The following RANBP2 variants were observed in gnomAD, a reference collection of about 807,000 sequenced individuals.
The protein encoded by RANBP2 is RAN binding protein 2.
Under a neutral mutation model 303.6 loss-of-function variants are expected in RANBP2, and 57 were observed. The observed-to-expected ratio is 0.19, with a 90% CI of 0.15 to 0.23. The LOEUF is 0.23. RANBP2 is among the 10% of genes least tolerant of loss of function. The pLI, the probability that RANBP2 is intolerant of heterozygous loss-of-function variation, is 1.00. For missense variants in RANBP2, 3,138 were observed against 3,780.8 expected (o/e 0.83, Z 4.46); for synonymous variants, 1,167 against 1,301.5 (o/e 0.90, Z 2.23).
At chr2:109,181,265 C>T in the RANBP2 span, among the ~76,000 whole-genome samples, 2 of 152,230 alleles carry the variant, frequency 1.3e-5, no homozygotes, top group Admixed American at 6.5e-5. Flanking sequence ...ACCCCTTGCC[C>T]AGTCTCCACT....
At chr2:109,321,139 G>T in the RANBP2 span, among the ~76,000 whole-genome samples, 15 of 152,230 alleles carry the variant, frequency 9.9e-5, no homozygotes, top group Admixed American at 2.0e-4. Context: ...CACACAAGAC[G>T]CCATGTGCAT....
the RANBP2 span, among the ~76,000 whole-genome samples, chr2:109,310,338 A>G: frequency 2.2e-5 from 1 of 44,496 alleles, no homozygotes; most frequent in Non-Finnish European, 3.7e-5. Flanking sequence ...ACACATTCAA[A>G]GCAGTGTGTA....
the RANBP2 span, among the ~76,000 whole-genome samples, chr2:109,459,183 T>C: frequency 6.6e-6 from 1 of 152,122 alleles, no homozygotes; most frequent in Non-Finnish European, 1.5e-5. Context: ...GTGCAACTTA[T>C]ATTACATGGT....
the RANBP2 span, among the ~76,000 whole-genome samples, chr2:108,889,815 C>G: frequency 6.6e-6 from 1 of 151,984 alleles, no homozygotes; most frequent in Non-Finnish European, 1.5e-5. Flanking sequence ...GTTTTGTTGT[C>G]TTTTCTGGTT....
chr2:108,765,971 A>G lies in RANBP2; in HGVS notation c.5432A>G (p.His1811Arg), dbSNP rs774595760. The G allele has an allele frequency of 1.2e-6, 2 of 1,614,058 alleles. No homozygotes were observed. The highest frequency in any genetic ancestry group is 1.7e-6 in the Non-Finnish European group (2 of 1,179,998). Residue 1811 changes from histidine to arginine, a missense_variant, in exon 20 of 29, where the codon CAT (histidine) becomes CGT (arginine). This residue lies in a region of RANBP2 where 348 missense variants were observed against 360.4 expected (regional missense o/e 0.97). Transcript: ENST00000283195. ...CVACDASKPT[H>R]KPIAEAPSAF... ...GCTTGTGATGCCTCTAAACCAACTC[A>G]TAAACCTATTGCAGAAGCTCCTTCA...
intron 3 of RANBP2, 56 bp from the exon 4 acceptor site, chr2:108,731,266 C>G (rs1695146495): frequency 6.3e-7 from 1 of 1,584,218 alleles, no homozygotes; most frequent in Non-Finnish European, 8.6e-7. Context: ...TATATATACT[C>G]CTACATACAT....
chr2:108,873,366 C>A, the RANBP2 span: 2 of 1,143,190 alleles, frequency 1.7e-6, no homozygotes, highest in Admixed American at 2.9e-5. Flanking sequence ...TTTATAAATG[C>A]CTCACATAGT....
At chr2:108,910,488 T>A in the RANBP2 span, 9 of 1,613,918 alleles carry the variant, frequency 5.6e-6, no homozygotes, top group African/African-American at 1.2e-4. Context: ...GGAGTTGCTG[T>A]CAGCTTCTCA....
chr2:109,181,108 G>A, the RANBP2 span, among the ~76,000 whole-genome samples: 14 of 152,106 alleles, frequency 9.2e-5, no homozygotes, highest in Non-Finnish European at 1.9e-4. Context: ...AGGTGGTGAG[G>A]AGAAGTGATG....
chr2:109,619,866 T>C, the RANBP2 span, among the ~76,000 whole-genome samples: 1 of 152,212 alleles, frequency 6.6e-6, no homozygotes, highest in East Asian at 1.9e-4. Context: ...CAGTATTCCT[T>C]CAATGATCAC....
chr2:109,546,014 G>T, the RANBP2 span: 1 of 1,536,172 alleles, frequency 6.5e-7, no homozygotes, highest in Non-Finnish European at 8.7e-7. Flanking sequence ...GACAAGTGTG[G>T]GCAGGGCTGC....
the RANBP2 span, among the ~76,000 whole-genome samples, chr2:109,095,090 T>C: frequency 6.6e-6 from 1 of 152,240 alleles, no homozygotes; most frequent in Non-Finnish European, 1.5e-5. Context: ...TCCTTGACTT[T>C]TGAAAATTGT....
At chr2:109,279,185 T>G in the RANBP2 span, among the ~76,000 whole-genome samples, 2 of 152,106 alleles carry the variant, frequency 1.3e-5, no homozygotes, top group Admixed American at 1.3e-4. Context: ...CATGCATACG[T>G]TTTGGGAAGA....
chr2:109,295,943 C>G, the RANBP2 span, among the ~76,000 whole-genome samples: 1 of 152,158 alleles, frequency 6.6e-6, no homozygotes, highest in Non-Finnish European at 1.5e-5. Context: ...CGACACTGCT[C>G]CCTCTGTGAC....
chr2:108,984,698 T>C, the RANBP2 span, among the ~76,000 whole-genome samples: 3 of 152,156 alleles, frequency 2.0e-5, no homozygotes, highest in Non-Finnish European at 4.4e-5. Flanking sequence ...TTGTTTTTTT[T>C]TCATGGCGCT....
At chr2:108,752,122 A>G in intron 12 of RANBP2, 128 bp downstream of exon 12, 3 of 1,542,114 alleles carry the variant, frequency 1.9e-6, no homozygotes, top group Non-Finnish European at 2.6e-6. Context: ...TGTGTTTTTT[A>G]TTGCTGCAAA....
At chr2:108,994,868 C>T in the RANBP2 span, among the ~76,000 whole-genome samples, 3 of 132,608 alleles carry the variant, frequency 2.3e-5, no homozygotes, top group South Asian at 2.4e-4. Context: ...CTCGCTCTGT[C>T]GCCCAGGCCG....
the RANBP2 span, among the ~76,000 whole-genome samples, chr2:109,338,304 G>A: frequency 6.6e-6 from 1 of 152,144 alleles, no homozygotes; most frequent in Admixed American, 6.5e-5. Context: ...GGAGCAGGCA[G>A]GGTGTGGCAG....
rs1254382760 is a variant in RANBP2 at position 108,770,898 on chromosome 2, C to T, written c.7850-803C>T. The stretch of plus-strand genomic sequence containing the variant: ...CTTGTGAGGTTTTAATAGAATGTGG[C>T]TAGGCTACCATATTGGACACCATAG... On this transcript the variant is annotated intron_variant, in intron 20 of 28. Transcript: ENST00000283195. 2.0e-5 allele frequency among the ~76,000 whole-genome samples: 3 copies of T among 152,194 alleles called. No homozygotes were observed. In the South Asian group the frequency reaches 6.2e-4, roughly 32 times the overall value.
Sources: gnomAD v4.1 joint callset for allele counts (sites outside exome capture counted in the v4.1 genomes callset) on GRCh38, gnomAD v4.1.1 for gene constraint, gnomAD v4.1.1 regional missense constraint, MANE v1.5 for transcripts, NCBI Gene and HGNC (gene_info 2026-07-23, HGNC 2026-07-21) for gene names.